RFX3: variants seen among roughly 807,000 people sequenced by gnomAD.
RFX3 encodes transcription factor RFX3.
In RFX3, 14 loss-of-function variants were observed where a neutral mutation model predicts 98.6. That is an observed-to-expected ratio of 0.14 (90% CI 0.09 to 0.22). The LOEUF (loss-of-function observed/expected upper bound fraction) is 0.22, where lower values mean the gene tolerates loss of function less well. RFX3 is among the 10% of genes least tolerant of loss of function. The pLI is 1.00. For synonymous variants in RFX3, 383 were observed against 328.4 expected (o/e 1.17, Z -1.80); for missense variants, 639 against 926.9 (o/e 0.69, Z 4.03).
chr9:3,286,217 C>T (rs2991288), intron 7 of RFX3, among the ~76,000 whole-genome samples: 11,136 of 151,828 alleles, frequency 0.073, 1,350 homozygotes, highest in African/African-American at 0.25. Context: ...GTAAAGGCTA[C>T]AAGTGCTGCC....
intron 3 of RFX3, among the ~76,000 whole-genome samples, chr9:3,340,540 C>T (rs1455141559): frequency 6.6e-6 from 1 of 152,132 alleles, no homozygotes; most frequent in African/African-American, 2.4e-5. Context: ...CCGCAATGAA[C>T]TCAAACAAAT....
chr9:3,513,285 GATATGCAGA>G (rs1215078725), intron 1 of RFX3, among the ~76,000 whole-genome samples: 6 of 152,006 alleles, frequency 3.9e-5, no homozygotes, highest in African/African-American at 1.2e-4. Flanking sequence ...ATTATTACTA[GATATGCAGA>G]ATATGCAGAA....
chr9:3,510,166 G>A (rs1817531798), intron 1 of RFX3, among the ~76,000 whole-genome samples: 1 of 151,924 alleles, frequency 6.6e-6, no homozygotes, highest in Admixed American at 6.6e-5. Context: ...TAAACGGAAA[G>A]TGGAATATGG....
chr9:3,441,063 A>T (rs1845564225), intron 1 of RFX3, among the ~76,000 whole-genome samples: 1 of 152,216 alleles, frequency 6.6e-6, no homozygotes, highest in Non-Finnish European at 1.5e-5. Flanking sequence ...CTAACACCAT[A>T]CACAAAATTA....
chr9:3,489,452 T>G, intron 1 of RFX3: 1 of 984,152 alleles, frequency 1.0e-6, no homozygotes, highest in East Asian at 1.1e-4. Context: ...CTGCTGCATC[T>G]TCCTACATAA....
intron 4 of RFX3, among the ~76,000 whole-genome samples, chr9:3,323,307 G>C (rs1369905685): frequency 6.6e-6 from 1 of 152,096 alleles, no homozygotes; most frequent in Non-Finnish European, 1.5e-5. Flanking sequence ...CAGTAGAAGA[G>C]GCAGTATTGA....
At chr9:3,340,920 T>C (rs1049812290) in intron 3 of RFX3, among the ~76,000 whole-genome samples, 1 of 152,134 alleles carries the variant, frequency 6.6e-6, no homozygotes, top group Non-Finnish European at 1.5e-5. Flanking sequence ...ACCCAAAGGA[T>C]TATAAATCAT....
chr9:3,378,498 A>C (rs1838794735), intron 2 of RFX3, among the ~76,000 whole-genome samples: 1 of 151,790 alleles, frequency 6.6e-6, no homozygotes, highest in South Asian at 2.1e-4. Context: ...CCTATTTTTA[A>C]GTAAAAATAA....
chr9:3,374,659 C>T (rs1338114406), intron 2 of RFX3, among the ~76,000 whole-genome samples: 2 of 151,944 alleles, frequency 1.3e-5, no homozygotes, highest in Admixed American at 6.6e-5. Context: ...ACTAGGGAAG[C>T]CAAATTCATA....
chr9:3,499,121 C>A (rs1370137148), intron 1 of RFX3, among the ~76,000 whole-genome samples: 1 of 152,040 alleles, frequency 6.6e-6, no homozygotes, highest in Non-Finnish European at 1.5e-5. Flanking sequence ...AAACAATGAA[C>A]AGATTATCAT....
chr9:3,520,779 A>T (rs1818632183), intron 1 of RFX3, among the ~76,000 whole-genome samples: 1 of 152,142 alleles, frequency 6.6e-6, no homozygotes, highest in Non-Finnish European at 1.5e-5. Flanking sequence ...GGGCTAAAAA[A>T]TTCTCTCACC....
At chr9:3,507,287 A>G (rs1009215075) in intron 1 of RFX3, among the ~76,000 whole-genome samples, 2 of 151,926 alleles carry the variant, frequency 1.3e-5, no homozygotes, top group Non-Finnish European at 2.9e-5. Context: ...ACACATTCTA[A>G]TAGAATAAAG....
At chr9:3,302,024 G>T (rs1828724135) in intron 4 of RFX3, among the ~76,000 whole-genome samples, 1 of 151,726 alleles carries the variant, frequency 6.6e-6, no homozygotes, top group South Asian at 2.1e-4. Context: ...CTCACGAAAG[G>T]AAAATCATAC....
chr9:3,355,522 TA>T (rs1409234787), intron 2 of RFX3, among the ~76,000 whole-genome samples: 4 of 151,874 alleles, frequency 2.6e-5, no homozygotes, highest in African/African-American at 4.8e-5. Flanking sequence ...TCTTTGCTCC[TA>T]AAGACAGAGT....
chr9:3,425,961 C>A (rs188072482), intron 1 of RFX3, among the ~76,000 whole-genome samples: 12 of 152,138 alleles, frequency 7.9e-5, no homozygotes, highest in African/African-American at 2.6e-4. Context: ...CTTTTCAGTT[C>A]TTGAATTTTC....
chr9:3,502,277 C>G lies in RFX3; in HGVS notation c.-9+23470G>C, dbSNP rs1816114476. Among the ~76,000 whole-genome samples the G allele has an allele frequency of 2.0e-5, 3 of 151,322 alleles. No homozygotes were observed. In the South Asian group the frequency reaches 6.3e-4, roughly 32 times the overall value. On this transcript the variant is annotated intron_variant, in intron 1 of 16. Transcript: ENST00000617270. ...TGTCTCAAAAGAAAAAAAAAAAAAT[C>G]ACTTTCACTTTTTAACTACTACCAT...
At chr9:3,247,955 A>C in intron 15 of RFX3, 77 bp downstream of exon 15, 1 of 1,613,698 alleles carries the variant, frequency 6.2e-7, no homozygotes, top group Non-Finnish European at 8.5e-7. Context: ...TTTAATCAAT[A>C]ATGTATTTAG....
chr9:3,431,716 T>C (rs926943479), intron 1 of RFX3, among the ~76,000 whole-genome samples: 1 of 152,130 alleles, frequency 6.6e-6, no homozygotes, highest in African/African-American at 2.4e-5. Flanking sequence ...AAAGGATGGT[T>C]TGGTAATTTT....
chr9:3,257,111 G>T lies in RFX3; in HGVS notation c.1694C>A (p.Thr565Asn). The change falls in exon 14 of 17, where the codon ACC (threonine) becomes AAC (asparagine). Residue 565 changes from threonine (T) to asparagine (N), a missense_variant. Physicochemically the swap from Thr to Asn is moderately conservative, Grantham distance 65 (BLOSUM62 0). This residue lies in a region of RFX3 where 138 missense variants were observed against 308.9 expected (regional missense o/e 0.45). Transcript: ENST00000617270. ...AAGCCACGCAGCCCACTGCTCCAGG[G>T]TGCTCTGCTGCTGAAGAGTCATCTT... is the stretch of plus-strand genomic sequence containing the variant. ...DFKMTLQQQS[T>N]LEQWAAWLDN... The T allele has an allele frequency of 6.2e-7, 1 of 1,613,916 alleles. No homozygotes were observed. The highest frequency in any genetic ancestry group is 1.1e-5 in the South Asian group (1 of 91,076).
Sources: allele counts gnomAD v4.1 joint callset (sites outside exome capture counted in the v4.1 genomes callset), GRCh38; gene constraint gnomAD v4.1.1; regional missense constraint gnomAD v4.1.1; transcripts MANE v1.5; gene names NCBI Gene and HGNC (gene_info 2026-07-23, HGNC 2026-07-21).